CACNA1C: variants seen among roughly 807,000 people sequenced by gnomAD.
CACNA1C encodes the protein voltage-dependent L-type calcium channel subunit alpha-1C.
A neutral mutation model predicts 229.0 loss-of-function variants in CACNA1C; 30 were observed. The ratio of observed to expected loss-of-function variants is 0.13; its 90% CI spans 0.10 to 0.18. The LOEUF (loss-of-function observed/expected upper bound fraction) is 0.18, where lower values mean the gene tolerates loss of function less well. Among genes scored for constraint, CACNA1C ranks in the 10% least tolerant of loss-of-function variants. The probability of loss-of-function intolerance (pLI) is 1.00; values close to 1 mark genes in which losing one functional copy is unlikely to be tolerated. For missense variants in CACNA1C, 1,658 were observed against 2,845.0 expected (o/e 0.58, Z 9.49); for synonymous variants, 1,114 against 1,132.5 (o/e 0.98, Z 0.33).
chr12:2,381,409 C>G (rs937116117), intron 3 of CACNA1C, among the ~76,000 whole-genome samples: 1 of 152,210 alleles, frequency 6.6e-6, no homozygotes. Flanking sequence ...CAGACAAACT[C>G]AGCATTCAGG....
At chr12:2,592,994 G>A (rs762918690) in intron 18 of CACNA1C, among the ~76,000 whole-genome samples, 6 of 152,202 alleles carry the variant, frequency 3.9e-5, no homozygotes, top group East Asian at 3.9e-4. Flanking sequence ...CAAGTTGGTC[G>A]CCCTACTTAC....
intron 1 of CACNA1C, among the ~76,000 whole-genome samples, chr12:2,007,993 T>C (rs1051976365): frequency 5.9e-5 from 9 of 152,224 alleles, no homozygotes; most frequent in Non-Finnish European, 1.2e-4. Flanking sequence ...TAAAAGAGAA[T>C]TGTTATAGAA....
chr12:1,997,927 A>T (rs1028792156), intron 1 of CACNA1C: 7 of 1,597,516 alleles, frequency 4.4e-6, no homozygotes, highest in Non-Finnish European at 5.1e-6. Context: ...AAAGTGAAAC[A>T]CTCTTACCTT....
chr12:2,640,866 T>C (rs762768750), intron 30 of CACNA1C, among the ~76,000 whole-genome samples: 1 of 152,212 alleles, frequency 6.6e-6, no homozygotes, highest in Non-Finnish European at 1.5e-5. Flanking sequence ...TCCTGAGTCA[T>C]AGAGAGAGCT....
chr12:2,155,113 A>G (rs948590848), intron 3 of CACNA1C, among the ~76,000 whole-genome samples: 3 of 152,034 alleles, frequency 2.0e-5, no homozygotes, highest in Admixed American at 6.5e-5. Context: ...CCACAGGCGC[A>G]CACATACACA....
intron 5 of CACNA1C, among the ~76,000 whole-genome samples, chr12:2,472,522 A>G (rs2099598566): frequency 6.6e-6 from 1 of 151,866 alleles, no homozygotes; most frequent in Admixed American, 6.5e-5. Context: ...TCATATACTC[A>G]TTTATTTCCT....
intron 1 of CACNA1C, chr12:1,997,792 G>T: frequency 1.4e-6 from 1 of 692,346 alleles, no homozygotes; most frequent in Non-Finnish European, 2.5e-6. Context: ...CCTTCTTCGT[G>T]TCAACTAATA....
chr12:2,551,344 G>A (rs1050611130), intron 10 of CACNA1C, among the ~76,000 whole-genome samples: 1 of 152,220 alleles, frequency 6.6e-6, no homozygotes, highest in Non-Finnish European at 1.5e-5. Flanking sequence ...CCCACGGATG[G>A]AGCCTGGCAG....
At chr12:2,553,575 A>G (rs1193087990) in intron 10 of CACNA1C, among the ~76,000 whole-genome samples, 1 of 152,210 alleles carries the variant, frequency 6.6e-6, no homozygotes, top group Non-Finnish European at 1.5e-5. Context: ...TGATATCATA[A>G]ATGTGCAGTC....
chr12:2,470,848 T>C (rs909274714), intron 5 of CACNA1C, among the ~76,000 whole-genome samples: 6 of 152,158 alleles, frequency 3.9e-5, no homozygotes, highest in African/African-American at 1.4e-4. Flanking sequence ...TTGATCTTTT[T>C]TTTTTTTGAG....
intron 1 of CACNA1C, chr12:2,020,203 T>C (rs1408854347): frequency 1.3e-5 from 2 of 152,252 alleles, no homozygotes; most frequent in African/African-American, 4.8e-5. Flanking sequence ...GGACTACTTA[T>C]GTGCCAGATA....
chr12:2,228,623 C>A (rs1337123396), intron 3 of CACNA1C, among the ~76,000 whole-genome samples: 1 of 152,138 alleles, frequency 6.6e-6, no homozygotes, highest in Non-Finnish European at 1.5e-5. Flanking sequence ...GGAGGAAAAC[C>A]CAGTACAGAT....
intron 3 of CACNA1C, among the ~76,000 whole-genome samples, chr12:2,289,873 C>G (rs77734281): frequency 5.3e-5 from 8 of 152,110 alleles, no homozygotes; most frequent in Admixed American, 2.0e-4. Context: ...AGGAAATTCG[C>G]GTCAAGTCAC....
chr12:2,429,287 C>T (rs1027174864), intron 3 of CACNA1C, among the ~76,000 whole-genome samples: 2 of 152,050 alleles, frequency 1.3e-5, no homozygotes, highest in Non-Finnish European at 2.9e-5. Flanking sequence ...ATCCTGAGGT[C>T]TGGAAAAGAC....
intron 1 of CACNA1C, among the ~76,000 whole-genome samples, chr12:2,080,407 C>G (rs560220380): frequency 3.2e-4 from 48 of 152,250 alleles, no homozygotes; most frequent in African/African-American, 1.1e-3. Flanking sequence ...TGAGGCCATC[C>G]TGGCTAACAT....
intron 1 of CACNA1C, among the ~76,000 whole-genome samples, chr12:1,975,772 T>C (rs1390382928): frequency 6.6e-6 from 1 of 152,176 alleles, no homozygotes; most frequent in Non-Finnish European, 1.5e-5. Context: ...TCACCATATA[T>C]GACTTTGCCA....
intron 30 of CACNA1C, among the ~76,000 whole-genome samples, chr12:2,640,700 C>A (rs2153601522): frequency 6.6e-6 from 1 of 152,322 alleles, no homozygotes; most frequent in Middle Eastern, 3.4e-3. Flanking sequence ...TCCCCACCTT[C>A]AGGCCCTGAA....
intron 10 of CACNA1C, among the ~76,000 whole-genome samples, chr12:2,552,592 A>G (rs2041911497): frequency 6.6e-6 from 1 of 152,184 alleles, no homozygotes; most frequent in Admixed American, 6.5e-5. Context: ...CTGAAGGATC[A>G]CTGCGACGTC....
chr12:2,053,443 C>A lies in CACNA1C; in HGVS notation c.-120C>A. 1 of 1,469,774 alleles carries A rather than the reference C, an allele frequency of 6.8e-7. No homozygotes were observed. The highest frequency in any genetic ancestry group is 9.1e-7 in the Non-Finnish European group (1 of 1,102,986). 91.0% of individuals were successfully genotyped at this position (1,469,774 alleles called of 1,614,324 possible). A position where few individuals can be genotyped will look rare whatever the true frequency, so the allele number is the denominator to read the frequency against. On this transcript the variant is annotated 5_prime_UTR_variant, in exon 1 of 47. Coordinates refer to ENST00000399655, the MANE Select transcript of CACNA1C (RefSeq NM_000719.7). This position sits in a 1 kb window ranked among gnomAD's most constrained non-coding sequence, Gnocchi z 5.8. ...AAGAAACGCTGCAGACCACGGCTTC[C>A]TCGAATCTTGCGCGAAAGCCGCCGG...
Sources: allele counts gnomAD v4.1 joint callset (sites outside exome capture counted in the v4.1 genomes callset), GRCh38; gene constraint gnomAD v4.1.1; non-coding constraint Gnocchi (gnomAD v3.1); transcripts MANE v1.5; gene names NCBI Gene and HGNC (gene_info 2026-07-23, HGNC 2026-07-21).